The following ASAP1 variants were observed in gnomAD, a reference collection of about 807,000 sequenced individuals.
The protein encoded by ASAP1 is ArfGAP with SH3 domain, ankyrin repeat and PH domain 1, also known as arf-GAP with SH3 domain, ANK repeat and PH domain-containing protein 1.
In ASAP1, 43 loss-of-function variants were observed where a neutral mutation model predicts 145.2. The ratio of observed to expected loss-of-function variants is 0.30; its 90% CI spans 0.23 to 0.38. The LOEUF is 0.38. Among genes scored for constraint, ASAP1 ranks in the 10% least tolerant of loss-of-function variants. ASAP1 has a pLI of 1.00. For missense variants in ASAP1, 1,018 were observed against 1,355.3 expected (o/e 0.75, Z 3.91); for synonymous variants, 546 against 515.5 (o/e 1.06, Z -0.80).
intron 1 of ASAP1, among the ~76,000 whole-genome samples, chr8:130,420,083 G>A (rs562494283): frequency 3.3e-5 from 5 of 151,624 alleles, no homozygotes; most frequent in African/African-American, 9.7e-5. Context: ...GAGCCACCAC[G>A]CCCAGCCAAC....
At chr8:130,222,718 T>C (rs1817365010) in intron 4 of ASAP1, among the ~76,000 whole-genome samples, 1 of 152,224 alleles carries the variant, frequency 6.6e-6, no homozygotes, top group Non-Finnish European at 1.5e-5. Flanking sequence ...CAAGTTTTGA[T>C]TAATGTGCCA....
At chr8:130,062,207 C>G (rs966267111) in intron 27 of ASAP1, among the ~76,000 whole-genome samples, 1 of 152,216 alleles carries the variant, frequency 6.6e-6, no homozygotes, top group Non-Finnish European at 1.5e-5. Flanking sequence ...ATAGCCTGCA[C>G]TCAGGGAGGA....
At chr8:130,112,521 C>T (rs2097548561) in intron 23 of ASAP1, 199 bp from the exon 24 acceptor site, 2 of 530,014 alleles carry the variant, frequency 3.8e-6, no homozygotes, top group African/African-American at 3.8e-5. Flanking sequence ...TATCGTTCAC[C>T]ACTATGAATA....
chr8:130,172,638 T>C (rs1813666180), intron 9 of ASAP1, among the ~76,000 whole-genome samples: 1 of 152,202 alleles, frequency 6.6e-6, no homozygotes, highest in Non-Finnish European at 1.5e-5. Context: ...GTGTGGCCAA[T>C]GGGTACCATG....
At chr8:130,280,630 A>C (rs1019010578) in intron 3 of ASAP1, among the ~76,000 whole-genome samples, 1 of 152,246 alleles carries the variant, frequency 6.6e-6, no homozygotes, top group Non-Finnish European at 1.5e-5. Flanking sequence ...AATAGAAAAG[A>C]GGGAGAGCAA....
rs369877650 is a variant in ASAP1, at chr8:130,073,217, CCT to C, written c.2701+3129_2701+3130del. ...CCAGCCTGACCAACACGGAGAAACC[CCT>C]GTCTCTACTAAAAATACAAAATTTG... On this transcript the variant is annotated intron_variant, in intron 27 of 29. Transcript: ENST00000518721. Among the ~76,000 whole-genome samples, 769 of 151,696 alleles carry C rather than the reference CCT, an allele frequency of 5.1e-3. 4 individuals are homozygous for C. Among genetic ancestry groups the C allele is most frequent in the East Asian group, 0.03 (156 of 5,128 alleles).
chr8:130,388,420 C>T (rs1429508071), intron 2 of ASAP1, among the ~76,000 whole-genome samples: 2 of 152,136 alleles, frequency 1.3e-5, no homozygotes, highest in African/African-American at 4.8e-5. Flanking sequence ...CCATGTTGGA[C>T]ATATTAAGTT....
intron 3 of ASAP1, among the ~76,000 whole-genome samples, chr8:130,262,416 AAG>A (rs71513089): frequency 0.11 from 6,244 of 57,746 alleles, 388 homozygotes; most frequent in East Asian, 0.13. Context: ...AAAAAAAAAA[AAG>A]AGAGAGAGAG....
At chr8:130,144,512 T>C (rs1208264024) in intron 13 of ASAP1, among the ~76,000 whole-genome samples, 1 of 152,182 alleles carries the variant, frequency 6.6e-6, no homozygotes, top group Non-Finnish European at 1.5e-5. Context: ...TCACACTGTT[T>C]CCCTGTCAAG....
chr8:130,242,090 A>G (rs533158728), intron 3 of ASAP1, among the ~76,000 whole-genome samples: 12 of 152,080 alleles, frequency 7.9e-5, no homozygotes, highest in African/African-American at 2.9e-4. Flanking sequence ...TGAGCATTCA[A>G]TACATTAATG....
At chr8:130,117,682 T>G (rs2097558623) in intron 20 of ASAP1, among the ~76,000 whole-genome samples, 1 of 152,226 alleles carries the variant, frequency 6.6e-6, no homozygotes, top group Admixed American at 6.5e-5. Flanking sequence ...CCACACACAC[T>G]GCTGCTGTCT....
chr8:130,217,954 TCAC>T (rs1331642792), intron 4 of ASAP1, among the ~76,000 whole-genome samples: 3 of 152,106 alleles, frequency 2.0e-5, no homozygotes, highest in Admixed American at 2.0e-4. Context: ...AGCCTTCTAA[TCAC>T]CACCACATTA....
At chr8:130,394,169 T>C (rs968167533) in intron 2 of ASAP1, among the ~76,000 whole-genome samples, 21 of 152,142 alleles carry the variant, frequency 1.4e-4, no homozygotes, top group African/African-American at 4.8e-4. Flanking sequence ...ACCTTAAACT[T>C]TGACCACCGG....
intron 24 of ASAP1, among the ~76,000 whole-genome samples, chr8:130,100,598 G>C (rs2097527071): frequency 6.6e-6 from 1 of 152,050 alleles, no homozygotes; most frequent in South Asian, 2.1e-4. Flanking sequence ...CAACGTGCTG[G>C]GATTACAGGC....
chr8:130,233,589 A>G (rs1374507364), intron 4 of ASAP1, among the ~76,000 whole-genome samples: 1 of 152,112 alleles, frequency 6.6e-6, no homozygotes, highest in Non-Finnish European at 1.5e-5. Context: ...CATTTCCTCC[A>G]AGTGGTACTC....
intron 5 of ASAP1, among the ~76,000 whole-genome samples, chr8:130,192,009 T>C (rs1815172678): frequency 6.6e-6 from 1 of 151,976 alleles, no homozygotes; most frequent in South Asian, 2.1e-4. Flanking sequence ...CCAATGTGTG[T>C]CACCAGAGGG....
Position 130,071,009 on chromosome 8 carries a change from G to GAGAGAGA in ASAP1, c.2701+5338_2701+5339insTCTCTCT, listed in dbSNP as rs1450787966. On this transcript the variant is annotated intron_variant, in intron 27 of 29. Transcript: ENST00000518721. Reference sequence around the variant, plus strand: ...GGAGAGAGAGAGAGAGAGGGGAGGGGGGGAGAGAGAGAGAGAGAGAGAGAG... The same window carrying GAGAGAGA: ...GGAGAGAGAGAGAGAGAGGGGAGGGGAGAGAGAGGGAGAGAGAGAGAGAGAGAGAGAG... 6.3e-3 allele frequency among the ~76,000 whole-genome samples: 44 copies of GAGAGAGA among 7,012 alleles called. 6 individuals are homozygous for GAGAGAGA. Among genetic ancestry groups the GAGAGAGA allele is most frequent in the African/African-American group, 0.033 (36 of 1,102 alleles). 4.6% of individuals were successfully genotyped at this position (7,012 alleles called of 152,430 possible). A position where few individuals can be genotyped will look rare whatever the true frequency, so the allele number is the denominator to read the frequency against.
intron 3 of ASAP1, among the ~76,000 whole-genome samples, chr8:130,264,282 G>C (rs1208360879): frequency 6.6e-6 from 1 of 152,192 alleles, no homozygotes; most frequent in Non-Finnish European, 1.5e-5. Context: ...CATTTCACCT[G>C]GTCCTTCCAT....
At chr8:130,138,785 G>C (rs1434679857) in intron 13 of ASAP1, among the ~76,000 whole-genome samples, 1 of 147,428 alleles carries the variant, frequency 6.8e-6, no homozygotes, top group Non-Finnish European at 1.5e-5. Flanking sequence ...GCACTGAGCC[G>C]AGATCTCGCC....
Sources: allele counts gnomAD v4.1 joint callset (sites outside exome capture counted in the v4.1 genomes callset), GRCh38; gene constraint gnomAD v4.1.1; transcripts MANE v1.5; gene names NCBI Gene and HGNC (gene_info 2026-07-23, HGNC 2026-07-21).